TBC1D15: variants seen among roughly 807,000 people sequenced by gnomAD.
TBC1D15 encodes TBC1 domain family member 15.
TBC1D15 carries 39 observed loss-of-function variants against 95.4 expected under a neutral mutation model. The observed-to-expected ratio is 0.41, with a 90% CI of 0.32 to 0.53. The LOEUF (loss-of-function observed/expected upper bound fraction) is 0.53. Ranked by LOEUF, TBC1D15 falls within the 20% of genes least tolerant of loss-of-function variation. TBC1D15 has a pLI of 0.29. For synonymous variants in TBC1D15, 258 were observed against 261.3 expected (o/e 0.99, Z 0.12); for missense variants, 733 against 794.3 (o/e 0.92, Z 0.93).
intron 10 of TBC1D15, among the ~76,000 whole-genome samples, chr12:71,901,203 G>A (rs1414693848): frequency 6.6e-6 from 1 of 151,990 alleles, no homozygotes; most frequent in African/African-American, 2.4e-5. Flanking sequence ...AAATTTTTTT[G>A]TACAAATAGG....
chr12:71,849,420 A>G (rs1483314685), intron 1 of TBC1D15: 7 of 1,303,788 alleles, frequency 5.4e-6, no homozygotes, highest in East Asian at 4.6e-5. Context: ...AATTCCTGTA[A>G]TCAGTCAAAA....
At chr12:71,902,270 G>C (rs1043458305) in intron 10 of TBC1D15, among the ~76,000 whole-genome samples, 2 of 152,096 alleles carry the variant, frequency 1.3e-5, no homozygotes, top group Non-Finnish European at 2.9e-5. Context: ...AATAGCCAAA[G>C]CAATCTTAAT....
chr12:71,914,024 G>A, intron 12 of TBC1D15, 98 bp downstream of exon 12: 1 of 875,562 alleles, frequency 1.1e-6, no homozygotes, highest in Non-Finnish European at 1.7e-6. Context: ...CAACTATGAT[G>A]GAACTTAAAA....
Position 71,839,789 on chromosome 12 carries a change from C to G in TBC1D15, c.8C>G (p.Ala3Gly). 6.2e-7 allele frequency: 1 copy of G among 1,614,152 alleles called. No homozygotes were observed. Among genetic ancestry groups the G allele is most frequent in the Non-Finnish European group, 8.5e-7 (1 of 1,180,022 alleles). Reference protein sequence around the residue: MAAAGVVSGKIIY... With the variant: MAGAGVVSGKIIY... ...CAGGCACGCGCAGGAAACATGGCGG[C>G]GGCGGGTGTTGTGAGCGGGAAGGTA... Residue 3 changes from alanine (A) to glycine (G), a missense_variant, in exon 1 of 17, where the codon GCG becomes GGG. By Grantham distance (60) the Ala-to-Gly change is moderately conservative (BLOSUM62 0). Transcript: ENST00000485960.
At chr12:71,875,019 A>G (rs1427154493) in intron 3 of TBC1D15, among the ~76,000 whole-genome samples, 1 of 149,912 alleles carries the variant, frequency 6.7e-6, no homozygotes, top group African/African-American at 2.5e-5. Flanking sequence ...GGCTCACTGC[A>G]ACCTCCGCCT....
chr12:71,870,156 T>C (rs926589186), intron 1 of TBC1D15, among the ~76,000 whole-genome samples: 19 of 152,200 alleles, frequency 1.2e-4, no homozygotes, highest in Non-Finnish European at 2.4e-4. Flanking sequence ...AACTCCAGAA[T>C]AGTATCCCCC....
In TBC1D15 at chr12:71,918,512, G is replaced by A. The variant is rs150602392; in HGVS notation, c.1563G>A (p.Arg521=). 1.9e-6 allele frequency: 3 copies of A among 1,607,968 alleles called. No individual in the cohort carries two copies. The South Asian group carries it at 3.3e-5, about 18-fold the overall frequency. The change falls in exon 14 of 17, where the codon AGG becomes AGA. Residue 521 remains arginine (R), a synonymous_variant. Coordinates refer to ENST00000485960, the MANE Select transcript of TBC1D15 (RefSeq NM_001146213.3). ...GGTGGCTTTTAATCAGATTCAAAAG[G>A]GAATTTAGTTTTCTAGATATTCTTC... The part of the protein sequence containing the change: ...CFRWLLIRFK[R]EFSFLDILRL...
intron 3 of TBC1D15, among the ~76,000 whole-genome samples, chr12:71,876,417 C>T (rs749837340): frequency 6.6e-6 from 1 of 152,142 alleles, no homozygotes; most frequent in Non-Finnish European, 1.5e-5. Context: ...TACATTTCTT[C>T]TCAGAATATT....
intron 2 of TBC1D15, 133 bp from the exon 3 acceptor site, chr12:71,872,796 T>C: frequency 1.8e-6 from 1 of 562,726 alleles, no homozygotes. Context: ...CATTTTTGAT[T>C]TACATATGAT....
At chr12:71,857,004 G>A (rs969352129) in intron 1 of TBC1D15, among the ~76,000 whole-genome samples, 6 of 152,166 alleles carry the variant, frequency 3.9e-5, no homozygotes, top group African/African-American at 1.4e-4. Context: ...TGATAACATA[G>A]AAATGTTTTC....
chr12:71,904,740 TTC>T (rs1900267393), intron 10 of TBC1D15, among the ~76,000 whole-genome samples: 2 of 152,202 alleles, frequency 1.3e-5, no homozygotes, highest in Admixed American at 1.3e-4. Context: ...CCTGTGAAAG[TTC>T]TCTCATAGTT....
At chr12:71,846,077 T>TTTTTAATTTTTAATTAAA (rs1886197728) in intron 1 of TBC1D15, among the ~76,000 whole-genome samples, 1 of 152,192 alleles carries the variant, frequency 6.6e-6, no homozygotes, top group African/African-American at 2.4e-5. Context: ...TTTTTCTGCC[T>TTTTTAATTTTTAATTAAA]CATTTTTGCT....
chr12:71,876,656 A>G (rs1893882893), intron 3 of TBC1D15, among the ~76,000 whole-genome samples: 1 of 152,152 alleles, frequency 6.6e-6, no homozygotes, highest in Non-Finnish European at 1.5e-5. Flanking sequence ...GCTTCCTGAG[A>G]AAAAGAGTGC....
chr12:71,852,341 A>G (rs1351727462), intron 1 of TBC1D15, among the ~76,000 whole-genome samples: 1 of 152,184 alleles, frequency 6.6e-6, no homozygotes, highest in Non-Finnish European at 1.5e-5. Flanking sequence ...TGGTCCTGTG[A>G]TGGGAATGGC....
At chr12:71,861,388 G>A (rs534057179) in intron 1 of TBC1D15, 56 of 1,397,584 alleles carry the variant, frequency 4.0e-5, no homozygotes, top group Non-Finnish European at 4.9e-5. Flanking sequence ...TTACTGTACT[G>A]TAATTGTTTT....
At chr12:71,902,002 A>G (rs1899500693) in intron 10 of TBC1D15, among the ~76,000 whole-genome samples, 1 of 152,224 alleles carries the variant, frequency 6.6e-6, no homozygotes, top group Non-Finnish European at 1.5e-5. Context: ...AGGCACAAAA[A>G]TAATAAAATA....
chr12:71,891,980 G>A (rs1202999018), intron 5 of TBC1D15, among the ~76,000 whole-genome samples: 2 of 152,082 alleles, frequency 1.3e-5, no homozygotes, highest in Admixed American at 6.6e-5. Context: ...GGCAGTGCCA[G>A]CAGCACTGTG....
chr12:71,907,675 G>C (rs1901080139), intron 11 of TBC1D15: 1 of 152,170 alleles, frequency 6.6e-6, no homozygotes, highest in Non-Finnish European at 1.5e-5. Context: ...TGAGACTTAG[G>C]AGTGCCTTGG....
chr12:71,864,487 GTTT>G (rs1012280064), intron 1 of TBC1D15, among the ~76,000 whole-genome samples: 1 of 142,768 alleles, frequency 7.0e-6, no homozygotes, highest in African/African-American at 2.5e-5. Context: ...GCAGTTGAGT[GTTT>G]TTTTTTTTTG....
Sources: allele counts gnomAD v4.1 joint callset (sites outside exome capture counted in the v4.1 genomes callset), GRCh38; gene constraint gnomAD v4.1.1; transcripts MANE v1.5; gene names NCBI Gene and HGNC (gene_info 2026-07-23, HGNC 2026-07-21).